Variants in DYM observed in about 807,000 individuals in gnomAD.
DYM encodes dyggve-Melchior-Clausen syndrome protein.
In DYM, 78 loss-of-function variants were observed where a neutral mutation model predicts 93.1. The ratio of observed to expected loss-of-function variants is 0.84; its 90% CI spans 0.70 to 1.01. The LOEUF is 1.01. Ranked by LOEUF, DYM falls within the 50% of genes least tolerant of loss-of-function variation. The pLI, the probability that DYM is intolerant of heterozygous loss-of-function variation, is 0.00. For synonymous variants in DYM, 321 were observed against 319.7 expected, an observed-to-expected ratio of 1.00 and a Z score of -0.04; for missense variants, 789 against 845.0, an observed-to-expected ratio of 0.93 and a Z score of 0.82.
At chr18:49,145,811 T>C (rs2085064226) in intron 15 of DYM, among the ~76,000 whole-genome samples, 1 of 152,216 alleles carries the variant, frequency 6.6e-6, no homozygotes, top group African/African-American at 2.4e-5. Flanking sequence ...TCCTTATATA[T>C]ATGTCTATGT....
chr18:49,255,368 AC>A (rs2094370876), intron 13 of DYM, among the ~76,000 whole-genome samples: 1 of 151,780 alleles, frequency 6.6e-6, no homozygotes, highest in African/African-American at 2.4e-5. Flanking sequence ...ACAGAGTGAA[AC>A]CCTGTCTTTA....
At chr18:49,123,419 T>C (rs751602504) in intron 15 of DYM, among the ~76,000 whole-genome samples, 4 of 152,218 alleles carry the variant, frequency 2.6e-5, no homozygotes, top group Non-Finnish European at 5.9e-5. Flanking sequence ...TGAGGCTGTT[T>C]CTGTGTACTC....
At chr18:49,090,484 T>G (rs1002657483) in intron 17 of DYM, among the ~76,000 whole-genome samples, 3 of 152,240 alleles carry the variant, frequency 2.0e-5, no homozygotes, top group African/African-American at 7.2e-5. Context: ...ACAATTAAAG[T>G]AGCTATAAGC....
intron 8 of DYM, among the ~76,000 whole-genome samples, chr18:49,303,218 T>C (rs1401926872): frequency 2.6e-5 from 4 of 152,198 alleles, no homozygotes; most frequent in Non-Finnish European, 5.9e-5. Flanking sequence ...AGGGACAATC[T>C]CTCTTAGGCA....
chr18:49,165,223 C>T (rs762999735), intron 14 of DYM, among the ~76,000 whole-genome samples: 4 of 152,018 alleles, frequency 2.6e-5, no homozygotes, highest in Admixed American at 6.6e-5. Context: ...ACCATGAAAA[C>T]ATAACAATCC....
intron 15 of DYM, among the ~76,000 whole-genome samples, chr18:49,125,221 T>C (rs902352105): frequency 2.0e-5 from 3 of 152,334 alleles, no homozygotes; most frequent in African/African-American, 7.2e-5. Flanking sequence ...GATTGCCTAC[T>C]GCACTCCAGC....
intron 6 of DYM, among the ~76,000 whole-genome samples, chr18:49,352,402 A>G (rs1195900350): frequency 6.6e-6 from 1 of 152,236 alleles, no homozygotes; most frequent in African/African-American, 2.4e-5. Flanking sequence ...TTAAAAGTGA[A>G]GCTAAAATAA....
rs74566131 is a variant in DYM at position 49,082,224 on chromosome 18, C to T, written c.2025+15178G>A. Among the ~76,000 whole-genome samples, 1,461 of 152,360 alleles carry T rather than the reference C, an allele frequency of 9.6e-3. 38 individuals are homozygous for T. The highest frequency in any genetic ancestry group is 0.072 in the South Asian group (346 of 4,834). ...TACATGGACTGTACTTGGTCCCAGG[C>T]TAAAAGCCATGGAAATAGAAATGTA... On this transcript the variant is annotated intron_variant, in intron 17 of 17. Coordinates refer to ENST00000675505, the MANE Select transcript of DYM (RefSeq NM_001353214.3).
intron 13 of DYM, among the ~76,000 whole-genome samples, chr18:49,246,624 T>C (rs1035178256): frequency 2.0e-5 from 3 of 152,208 alleles, no homozygotes; most frequent in South Asian, 4.1e-4. Context: ...AATATTCCCA[T>C]ATGTAAAATG....
chr18:49,097,408 T>C lies in DYM; in HGVS notation c.2019A>G (p.Arg673=). The part of the protein sequence containing the change: ...KQGVVALPKD[R]LKKFPELKFK... ...ATTTCTTTAGCCTTCTTACCTTCAG[T>C]CTGTCTTTGGGCAGCGCAACGACGC... The change falls in exon 17 of 18, where the codon AGA becomes AGG. Residue 673 remains arginine (R), a synonymous_variant. Coordinates refer to ENST00000675505, the MANE Select transcript of DYM (RefSeq NM_001353214.3). 1 of 1,613,918 alleles carries C rather than the reference T, an allele frequency of 6.2e-7. No homozygotes were observed. The highest frequency in any genetic ancestry group is 8.5e-7 in the Non-Finnish European group (1 of 1,179,850).
At chr18:49,269,538 C>G (rs1013883491) in intron 11 of DYM, among the ~76,000 whole-genome samples, 2 of 152,172 alleles carry the variant, frequency 1.3e-5, no homozygotes, top group Middle Eastern at 3.2e-3. Flanking sequence ...ATAGCCAAGA[C>G]AGACACAGCC....
Position 49,044,024 on chromosome 18 carries a change from G to A in DYM, c.*31C>T. On this transcript the variant is annotated 3_prime_UTR_variant, in exon 18 of 18. Transcript: ENST00000675505. ...AAAGAACTTGAAGGGCTGCTTGGCT[G>A]GAGGGGTCCGGGTGGGAGAGCATCC... is the stretch of plus-strand genomic sequence containing the variant. 6.2e-7 allele frequency: 1 copy of A among 1,612,022 alleles called. No individual in the cohort carries two copies. The highest frequency in any genetic ancestry group is 1.7e-5 in the Admixed American group (1 of 60,008).
chr18:49,163,855 A>AT (rs1162054503), intron 14 of DYM, 68 bp from the exon 15 acceptor site: 79 of 995,050 alleles, frequency 7.9e-5, no homozygotes, highest in Non-Finnish European at 1.2e-4. Context: ...CTGTGGAAAT[A>AT]TATAGTTCCA....
At chr18:49,255,683 A>AG (rs1037152589) in intron 13 of DYM, among the ~76,000 whole-genome samples, 9 of 151,038 alleles carry the variant, frequency 6.0e-5, no homozygotes, top group African/African-American at 2.2e-4. Flanking sequence ...AAAAAAAAAA[A>AG]AAAAAGAAGA....
chr18:49,338,610 T>C (rs1259642568), intron 6 of DYM, among the ~76,000 whole-genome samples: 4 of 152,166 alleles, frequency 2.6e-5, no homozygotes, highest in African/African-American at 9.7e-5. Context: ...GACCTGTGTA[T>C]ATATGGAAAT....
At chr18:49,448,487 A>G (rs1295040733) in intron 1 of DYM, among the ~76,000 whole-genome samples, 1 of 152,194 alleles carries the variant, frequency 6.6e-6, no homozygotes, top group East Asian at 1.9e-4. Flanking sequence ...AAGTCTAGGA[A>G]GTTAAAGGGA....
At chr18:49,053,693 T>C (rs533967306) in intron 17 of DYM, among the ~76,000 whole-genome samples, 3 of 152,288 alleles carry the variant, frequency 2.0e-5, no homozygotes, top group South Asian at 4.1e-4. Context: ...ATTTACATTC[T>C]TTTTTTAATT....
intron 8 of DYM, among the ~76,000 whole-genome samples, chr18:49,287,595 G>A (rs959274659): frequency 2.6e-5 from 4 of 151,780 alleles, no homozygotes; most frequent in Middle Eastern, 3.4e-3. Flanking sequence ...TTAGAAATGC[G>A]CTGTCCAGGC....
At chr18:49,381,728 A>G (rs1436571423) in intron 3 of DYM, among the ~76,000 whole-genome samples, 5 of 152,220 alleles carry the variant, frequency 3.3e-5, no homozygotes, top group Non-Finnish European at 4.4e-5. Flanking sequence ...CACTGTGAGT[A>G]GCAAGGTGCA....
Sources: gnomAD v4.1 joint callset for allele counts (sites outside exome capture counted in the v4.1 genomes callset) on GRCh38, gnomAD v4.1.1 for gene constraint, MANE v1.5 for transcripts, NCBI Gene and HGNC (gene_info 2026-07-23, HGNC 2026-07-21) for gene names.